Variants in PCDHGB3 observed in about 807,000 individuals in gnomAD.
PCDHGB3 encodes protocadherin gamma-B3.
A neutral mutation model predicts 59.2 loss-of-function variants in PCDHGB3; 40 were observed. The ratio of observed to expected loss-of-function variants is 0.68; its 90% CI spans 0.52 to 0.88. The LOEUF (loss-of-function observed/expected upper bound fraction) is 0.88. Ranked by LOEUF, PCDHGB3 falls within the 40% of genes least tolerant of loss-of-function variation. PCDHGB3 has a pLI of 0.00. For missense variants in PCDHGB3, 1,309 were observed against 1,187.9 expected (o/e 1.10, Z -1.50); for synonymous variants, 581 against 503.6 (o/e 1.15, Z -2.06).
rs1021096537 is a variant in PCDHGB3, at chr5:141,511,383, T to C, written c.*210T>C. 2 of 1,155,330 alleles carry C rather than the reference T, an allele frequency of 1.7e-6. No homozygotes were observed. Among genetic ancestry groups the C allele is most frequent in the Non-Finnish European group, 2.4e-6 (2 of 841,000 alleles). The allele number at this position is 1,155,330 out of a possible 1,614,324, so 71.6% of individuals were successfully genotyped here. ...GTTGAATATGCAAAAGCAGTTCCGC[T>C]GGGAACCCCCATCCAATCAACTGCT... is the stretch of plus-strand genomic sequence containing the variant. On this transcript the variant is annotated 3_prime_UTR_variant, in exon 4 of 4. Transcript: ENST00000576222.
rs775081505 is a variant in PCDHGB3 at position 141,486,730 on chromosome 5, T to C, written c.2416-8077T>C. ...ACCCCCAGACAGGAGCTGTTCATGC[T>C]ACTCGATCCTTTGACTATGAGCAAA... On this transcript the variant is annotated intron_variant, in intron 1 of 3. Coordinates refer to ENST00000576222, the MANE Select transcript of PCDHGB3 (RefSeq NM_018924.5). This position sits in a 1 kb window ranked among gnomAD's most constrained non-coding sequence, Gnocchi z 5.0. 1 of 1,614,120 alleles carries C rather than the reference T, an allele frequency of 6.2e-7. No homozygotes were observed. Among genetic ancestry groups the C allele is most frequent in the Non-Finnish European group, 8.5e-7 (1 of 1,180,050 alleles).
chr5:141,421,201 C>A, intron 1 of PCDHGB3: 3 of 1,518,204 alleles, frequency 2.0e-6, no homozygotes, highest in Non-Finnish European at 2.6e-6. Context: ...GCTCGAGAAA[C>A]CGCGGAATAT....
chr5:141,394,374 G>C, intron 1 of PCDHGB3: 6 of 1,614,172 alleles, frequency 3.7e-6, no homozygotes, highest in Non-Finnish European at 5.1e-6. Context: ...GCAATCTTTC[G>C]ACTATGAGCA....
chr5:141,469,974 T>C (rs1456176152), intron 1 of PCDHGB3, among the ~76,000 whole-genome samples: 1 of 151,864 alleles, frequency 6.6e-6, no homozygotes, highest in African/African-American at 2.4e-5. Context: ...GTACCAAAAA[T>C]ACAAAAATTA....
Position 141,491,895 on chromosome 5 carries a change from A to G in PCDHGB3, c.2416-2912A>G. On this transcript the variant is annotated intron_variant, in intron 1 of 3. Transcript: ENST00000576222. This position sits in a 1 kb window ranked among gnomAD's most constrained non-coding sequence, Gnocchi z 6.9. Reference sequence around the variant, plus strand: ...CCGATTAAGGGATGGGGCTCCGAGCACCGGGGGTGGTGGCGACTGTGGGCG... The same window carrying G: ...CCGATTAAGGGATGGGGCTCCGAGCGCCGGGGGTGGTGGCGACTGTGGGCG... 7.0e-7 allele frequency: 1 copy of G among 1,434,306 alleles called. No homozygotes were observed. The highest frequency in any genetic ancestry group is 9.2e-7 in the Non-Finnish European group (1 of 1,084,904). 88.8% of individuals were successfully genotyped at this position (1,434,306 alleles called of 1,614,324 possible). A position where few individuals can be genotyped will look rare whatever the true frequency, so the allele number is the denominator to read the frequency against.
intron 1 of PCDHGB3, among the ~76,000 whole-genome samples, chr5:141,405,891 A>G (rs1029768115): frequency 1.3e-5 from 2 of 152,164 alleles, no homozygotes; most frequent in African/African-American, 4.8e-5. Flanking sequence ...TTGCTCCAAC[A>G]CTGAAAGGAG....
rs1387036035 is a variant in PCDHGB3, at chr5:141,432,158, A to G, written c.2415+59349A>G. ...CGCTTATATCCCAGAGAACAATCCC[A>G]GAGGAGTTTCCCTCGTCTCTGTGAC... is the stretch of plus-strand genomic sequence containing the variant. On this transcript the variant is annotated intron_variant, in intron 1 of 3. Coordinates refer to ENST00000576222, the MANE Select transcript of PCDHGB3 (RefSeq NM_018924.5). The surrounding 1 kb of genome is among the most constrained non-coding windows in gnomAD (Gnocchi z 6.0). The G allele has an allele frequency of 6.2e-7, 1 of 1,613,932 alleles. No individual in the cohort carries two copies. Among genetic ancestry groups the G allele is most frequent in the Non-Finnish European group, 8.5e-7 (1 of 1,180,002 alleles).
chr5:141,398,083 C>G, intron 1 of PCDHGB3: 1 of 1,599,552 alleles, frequency 6.3e-7, no homozygotes, highest in Non-Finnish European at 8.5e-7. Context: ...TTATTTGTAA[C>G]CTGGCGTCTC....
intron 1 of PCDHGB3, chr5:141,404,445 G>GT: frequency 6.2e-7 from 1 of 1,613,280 alleles, no homozygotes; most frequent in Non-Finnish European, 8.5e-7. Context: ...ACCATCCAAG[G>GT]GTCTCCTCTC....
Position 141,485,447 on chromosome 5 carries a change from C to G in PCDHGB3, c.2416-9360C>G, listed in dbSNP as rs1233800346. 6.2e-7 allele frequency: 1 copy of G among 1,614,144 alleles called. No individual in the cohort carries two copies. The highest frequency in any genetic ancestry group is 8.5e-7 in the Non-Finnish European group (1 of 1,180,036). On this transcript the variant is annotated intron_variant, in intron 1 of 3. Transcript: ENST00000576222. This position sits in a 1 kb window ranked among gnomAD's most constrained non-coding sequence, Gnocchi z 5.7. ...CCTGCTCATCAAGAACCCAATCGAC[C>G]GAGAGGCACTGTGTGGGCTCAGTGC... is the stretch of plus-strand genomic sequence containing the variant.
At chr5:141,395,004 A>T (rs2093147678) in intron 1 of PCDHGB3, 3 of 1,614,010 alleles carry the variant, frequency 1.9e-6, no homozygotes, top group Non-Finnish European at 2.5e-6. Context: ...TTCCGGTGGC[A>T]GATTGGTAGG....
In PCDHGB3 at chr5:141,432,002, G is replaced by T; in HGVS notation, c.2415+59193G>T. The T allele has an allele frequency of 6.2e-7, 1 of 1,614,186 alleles. No homozygotes were observed. The highest frequency in any genetic ancestry group is 1.1e-5 in the South Asian group (1 of 91,090). ...AGACATAGTCTTGGATAGGGAACAGGTTCCTAGCTACAACATCACAGTGAC... is the reference window on the plus strand; with the variant it reads ...AGACATAGTCTTGGATAGGGAACAGTTTCCTAGCTACAACATCACAGTGAC... On this transcript the variant is annotated intron_variant, in intron 1 of 3. Coordinates refer to ENST00000576222, the MANE Select transcript of PCDHGB3 (RefSeq NM_018924.5). The surrounding 1 kb of genome is among the most constrained non-coding windows in gnomAD (Gnocchi z 6.0).
At chr5:141,395,215 A>G in intron 1 of PCDHGB3, 1 of 1,612,350 alleles carries the variant, frequency 6.2e-7, no homozygotes, top group Middle Eastern at 1.7e-4. Context: ...CATGAATATA[A>G]GAATGAAGCT....
At chr5:141,463,955 A>G (rs2154568299) in intron 1 of PCDHGB3, among the ~76,000 whole-genome samples, 1 of 152,288 alleles carries the variant, frequency 6.6e-6, no homozygotes, top group Middle Eastern at 3.4e-3. Flanking sequence ...CTTCATTTTT[A>G]AAATAGCTTC....
intron 1 of PCDHGB3, chr5:141,393,555 C>T (rs1561643318): frequency 1.2e-6 from 2 of 1,613,808 alleles, no homozygotes; most frequent in Admixed American, 3.3e-5. Context: ...CCCGATTTAC[C>T]GAGTGAAAGT....
At chr5:141,492,161 TC>T (rs1269738341) in intron 1 of PCDHGB3, among the ~76,000 whole-genome samples, 2 of 152,142 alleles carry the variant, frequency 1.3e-5, no homozygotes, top group Admixed American at 6.5e-5. Context: ...ACCCTCCCTA[TC>T]CCCGCATCAC....
chr5:141,420,669 G>A (rs1018355067), intron 1 of PCDHGB3, among the ~76,000 whole-genome samples: 2 of 152,202 alleles, frequency 1.3e-5, no homozygotes, highest in South Asian at 2.1e-4. Context: ...CATCCTACCT[G>A]ATGATTTTAT....
rs1281778338 is a variant in PCDHGB3, at chr5:141,512,281, G to A, written c.*1108G>A. ...TGGGTACTCCAGAGGTGCCACTGGTGGAAGGGTCAGCGGAGCCCCAGCAGG... is the reference window on the plus strand; with the variant it reads ...TGGGTACTCCAGAGGTGCCACTGGTAGAAGGGTCAGCGGAGCCCCAGCAGG... On this transcript the variant is annotated 3_prime_UTR_variant, in exon 4 of 4. Transcript: ENST00000576222. 6.5e-6 allele frequency: 1 copy of A among 152,810 alleles called. No homozygotes were observed. Among genetic ancestry groups the A allele is most frequent in the Non-Finnish European group, 1.5e-5 (1 of 68,178 alleles). The allele number at this position is 152,810 out of a possible 1,614,324, so 9.5% of individuals were successfully genotyped here.
intron 1 of PCDHGB3, chr5:141,392,819 C>T (rs1346235587): frequency 1.4e-5 from 22 of 1,590,378 alleles, no homozygotes; most frequent in Non-Finnish European, 8.6e-6. Flanking sequence ...CAACAATGGC[C>T]GCTCCACAGA....
Sources: allele counts gnomAD v4.1 joint callset (sites outside exome capture counted in the v4.1 genomes callset), GRCh38; gene constraint gnomAD v4.1.1; non-coding constraint Gnocchi (gnomAD v3.1); transcripts MANE v1.5; gene names NCBI Gene and HGNC (gene_info 2026-07-23, HGNC 2026-07-21).